MYO1G: variants seen among roughly 807,000 people sequenced by gnomAD.
MYO1G encodes the protein unconventional myosin-Ig.
Under a neutral mutation model 115.3 loss-of-function variants are expected in MYO1G, and 65 were observed. The observed-to-expected ratio is 0.56, with a 90% confidence interval of 0.46 to 0.69. The LOEUF (loss-of-function observed/expected upper bound fraction) is 0.69. Ranked by LOEUF, MYO1G falls within the 30% of genes least tolerant of loss-of-function variation. MYO1G has a pLI of 0.00. For missense variants in MYO1G, 1,204 were observed against 1,393.5 expected, an observed-to-expected ratio of 0.86 and a Z score of 2.16; for synonymous variants, 510 against 552.6, an observed-to-expected ratio of 0.92 and a Z score of 1.08.
At position 44,975,354 on chromosome 7, in the gene MYO1G, C is replaced by T. The variant is rs1039576682; in HGVS notation, c.565-127G>A. 3 of 1,499,212 alleles carry T rather than the reference C, an allele frequency of 2.0e-6. No homozygotes were observed. The African/African-American group carries it at 4.1e-5, about 21-fold the overall frequency. 92.9% of individuals were successfully genotyped at this position (1,499,212 alleles called of 1,614,324 possible). A position where few individuals can be genotyped will look rare whatever the true frequency, so the allele number is the denominator to read the frequency against. On this transcript the variant is annotated intron_variant, in intron 4 of 21. Transcript: ENST00000258787. The stretch of plus-strand genomic sequence containing the variant: ...GTCCTGACTATGAGGACACTGAGGC[C>T]CAGAGAAGGGCCACAGGGAGAGACA...
At chr7:44,970,776 C>T in intron 8 of MYO1G, 39 bp from the exon 9 acceptor site, 1 of 1,613,470 alleles carries the variant, frequency 6.2e-7, no homozygotes. Flanking sequence ...CTGCCTCTGG[C>T]CTGGCCTCCC....
intron 3 of MYO1G, among the ~76,000 whole-genome samples, chr7:44,976,258 C>A (rs1054152915): frequency 1.8e-4 from 28 of 152,190 alleles, no homozygotes; most frequent in African/African-American, 6.8e-4. Flanking sequence ...GTCCATGAGC[C>A]ATTTCAAGCA....
In MYO1G at chr7:44,963,163, C is replaced by G. The variant is rs766147897; in HGVS notation, c.2746-39G>C. ...GGGGTCAGAGTGCAGCCGCCTCAAC[C>G]CGCACCCCAGCCTAGCCGGACTCAC... On this transcript the variant is annotated intron_variant, in intron 20 of 21. Coordinates refer to ENST00000258787, the MANE Select transcript of MYO1G (RefSeq NM_033054.3). The surrounding 1 kb of genome is among the most constrained non-coding windows in gnomAD (Gnocchi z 4.1). 1 of 1,398,138 alleles carries G rather than the reference C, an allele frequency of 7.2e-7. No individual in the cohort carries two copies. Among genetic ancestry groups the G allele is most frequent in the Non-Finnish European group, 9.3e-7 (1 of 1,080,424 alleles). The allele number at this position is 1,398,138 out of a possible 1,614,324, so 86.6% of individuals were successfully genotyped here. A position where few individuals can be genotyped will look rare whatever the true frequency, so the allele number is the denominator to read the frequency against.
At chr7:44,976,344 T>A (rs1795048559) in intron 3 of MYO1G, among the ~76,000 whole-genome samples, 1 of 152,208 alleles carries the variant, frequency 6.6e-6, no homozygotes, top group South Asian at 2.1e-4. Context: ...CCCAGTACCT[T>A]GGCTAGGTCT....
At position 44,966,436 on chromosome 7, in the gene MYO1G, C is replaced by T. The variant is rs908252034; in HGVS notation, c.1950-156G>A. ...CACATATGTCTTCCCATACACATGT[C>T]CTCACATACATGTCCTCACACAGCC... On this transcript the variant is annotated intron_variant, in intron 15 of 21. Coordinates refer to ENST00000258787, the MANE Select transcript of MYO1G (RefSeq NM_033054.3). This position sits in a 1 kb window ranked among gnomAD's most constrained non-coding sequence, Gnocchi z 5.0. 3 of 820,532 alleles carry T rather than the reference C, an allele frequency of 3.7e-6. No individual in the cohort carries two copies. The highest frequency in any genetic ancestry group is 6.1e-6 in the Non-Finnish European group (3 of 493,574). 50.8% of individuals were successfully genotyped at this position (820,532 alleles called of 1,614,324 possible).
intron 3 of MYO1G, among the ~76,000 whole-genome samples, chr7:44,975,977 C>T (rs1420403895): frequency 6.6e-6 from 1 of 152,234 alleles, no homozygotes; most frequent in Non-Finnish European, 1.5e-5. Flanking sequence ...CTGTTCTGAC[C>T]ACTGGGCTTT....
rs564802547 is a variant in MYO1G at position 44,977,083 on chromosome 7, A to G, written c.96-12T>C. ...GGCCCTTCTCGAACCTGGACACAGCAGGGGTAGGCCTCAGCACTCACAGGC... is the reference window on the plus strand; with the variant it reads ...GGCCCTTCTCGAACCTGGACACAGCGGGGGTAGGCCTCAGCACTCACAGGC... On this transcript the variant is annotated splice_polypyrimidine_tract_variant and intron_variant, in intron 1 of 21. Coordinates refer to ENST00000258787, the MANE Select transcript of MYO1G (RefSeq NM_033054.3). 51 of 1,612,186 alleles carry G rather than the reference A, an allele frequency of 3.2e-5. 1 individual carries two copies. In the Middle Eastern group the frequency reaches 4.0e-3, roughly 127 times the overall value.
chr7:44,968,275 C>T (rs1006794102), intron 12 of MYO1G, among the ~76,000 whole-genome samples: 2 of 152,236 alleles, frequency 1.3e-5, no homozygotes, highest in Admixed American at 1.3e-4. Context: ...TTGCCTAAGC[C>T]ACTCAACCTC....
intron 1 of MYO1G, among the ~76,000 whole-genome samples, chr7:44,978,347 T>C (rs1795118610): frequency 1.3e-5 from 2 of 152,198 alleles, no homozygotes; most frequent in Admixed American, 1.3e-4. Flanking sequence ...CAGGAGAATG[T>C]CACCTCAACT....
chr7:44,975,036 A>C, intron 5 of MYO1G, 138 bp downstream of exon 5: 1 of 858,678 alleles, frequency 1.2e-6, no homozygotes, highest in Non-Finnish European at 2.0e-6. Context: ...GTGGGGAGTG[A>C]GGACGATGGG....
chr7:44,963,173 G>C lies in MYO1G; in HGVS notation c.2746-49C>G. The C allele has an allele frequency of 7.2e-7, 1 of 1,387,758 alleles. No individual in the cohort carries two copies. Among genetic ancestry groups the C allele is most frequent in the Non-Finnish European group, 9.3e-7 (1 of 1,075,814 alleles). The allele number at this position is 1,387,758 out of a possible 1,614,324, so 86.0% of individuals were successfully genotyped here. ...TGCAGCCGCCTCAACCCGCACCCCA[G>C]CCTAGCCGGACTCACCCCCTCCCCA... On this transcript the variant is annotated intron_variant, in intron 20 of 21. Transcript: ENST00000258787. This position sits in a 1 kb window ranked among gnomAD's most constrained non-coding sequence, Gnocchi z 4.1.
At position 44,969,761 on chromosome 7, in the gene MYO1G, A is replaced by G; in HGVS notation, c.1447T>C (p.Phe483Leu). 6.2e-7 allele frequency: 1 copy of G among 1,612,626 alleles called. No individual in the cohort carries two copies. The highest frequency in any genetic ancestry group is 8.5e-7 in the Non-Finnish European group (1 of 1,179,960). The change falls in exon 11 of 22, where the codon TTC (phenylalanine) becomes CTC (leucine). Residue 483 changes from phenylalanine (F) to leucine (L), a missense_variant. Physicochemically the swap from Phe to Leu is conservative, Grantham distance 22. Transcript: ENST00000258787. This position sits in a 1 kb window ranked among gnomAD's most constrained non-coding sequence, Gnocchi z 5.0. ...SSAGTITDRIFLQTLDMHHRH... is the reference protein window; with the variant it reads ...SSAGTITDRILLQTLDMHHRH... ...TGGTGCATGTCCAGGGTCTGCAGGA[A>G]GATTCGGTCAGTGATGGTGCCAGCA... is the stretch of plus-strand genomic sequence containing the variant.
At chr7:44,972,469 C>T in intron 5 of MYO1G, 1 of 489,874 alleles carries the variant, frequency 2.0e-6, no homozygotes, top group Non-Finnish European at 3.8e-6. Context: ...TGTTCTTGTG[C>T]CAGACCTCAT....
In MYO1G at chr7:44,964,837, C is replaced by T; in HGVS notation, c.2526+108G>A. 3 of 1,477,890 alleles carry T rather than the reference C, an allele frequency of 2.0e-6. No individual in the cohort carries two copies. The highest frequency in any genetic ancestry group is 4.2e-5 in the Admixed American group (2 of 47,092). The allele number at this position is 1,477,890 out of a possible 1,614,324, so 91.5% of individuals were successfully genotyped here. Reference sequence around the variant, plus strand: ...GTACAGGGCCACCAGGACAGACAACCCCAGGCCTGGGAGAGGACATCTGAG... The same window carrying T: ...GTACAGGGCCACCAGGACAGACAACTCCAGGCCTGGGAGAGGACATCTGAG... On this transcript the variant is annotated intron_variant, in intron 18 of 21. Transcript: ENST00000258787. The surrounding 1 kb of genome is among the most constrained non-coding windows in gnomAD (Gnocchi z 5.1).
chr7:44,971,482 C>G (rs1188069360), intron 7 of MYO1G, among the ~76,000 whole-genome samples, 191 bp downstream of exon 7: 1 of 152,200 alleles, frequency 6.6e-6, no homozygotes, highest in African/African-American at 2.4e-5. Flanking sequence ...CTGACCTGGC[C>G]CTAAGAATGG....
chr7:44,964,986 A>G lies in MYO1G; in HGVS notation c.2485T>C (p.Trp829Arg). 1.2e-6 allele frequency: 2 copies of G among 1,608,232 alleles called. No homozygotes were observed. The highest frequency in any genetic ancestry group is 1.7e-4 in the Middle Eastern group (1 of 6,038). Residue 829 changes from tryptophan to arginine, a missense_variant, in exon 18 of 22, where the codon TGG becomes CGG. Physicochemically the swap from Trp to Arg is moderately radical, Grantham distance 101. Transcript: ENST00000258787. This position sits in a 1 kb window ranked among gnomAD's most constrained non-coding sequence, Gnocchi z 5.1. ...MGALQGLRQD[W>R]GCRRAWARDY... is the part of the protein sequence containing the mutation. ...CGGGCCCAGGCCCGTCGGCAGCCCCAGTCCTGACGAAGCCCTTGCAGGGCC... is the reference window on the plus strand; with the variant it reads ...CGGGCCCAGGCCCGTCGGCAGCCCCGGTCCTGACGAAGCCCTTGCAGGGCC...
At position 44,969,578 on chromosome 7, in the gene MYO1G, T is replaced by C. The variant is rs909403853; in HGVS notation, c.1504-95A>G. 1.8e-5 allele frequency: 29 copies of C among 1,579,828 alleles called. No homozygotes were observed. Among genetic ancestry groups the C allele is most frequent in the Middle Eastern group, 1.7e-4 (1 of 5,774 alleles). On this transcript the variant is annotated intron_variant, in intron 11 of 21. Transcript: ENST00000258787. The surrounding 1 kb of genome is among the most constrained non-coding windows in gnomAD (Gnocchi z 5.0). ...TCCCCACCTCCAGGGCAGAGAAGGT[T>C]GCCACAGTGACGACAATGGCACCAA...
Position 44,964,454 on chromosome 7 carries a change from A to G in MYO1G, c.2592T>C (p.Asp864=). The G allele has an allele frequency of 1.2e-6, 2 of 1,613,810 alleles. No individual in the cohort carries two copies. The highest frequency in any genetic ancestry group is 2.2e-5 in the South Asian group (2 of 91,066). The stretch of plus-strand genomic sequence containing the variant: ...TTGAAAAGAGCACAGCCCCGAAGCC[A>G]TCTTTGTCCTGAAGTGTCTTTAGTC... ...AQRLKTLQDK[D]GFGAVLFSSH... The change falls in exon 19 of 22, where the codon GAT becomes GAC. Residue 864 remains aspartate, a synonymous_variant. Transcript: ENST00000258787. The surrounding 1 kb of genome is among the most constrained non-coding windows in gnomAD (Gnocchi z 5.1).
chr7:44,967,940 G>T lies in MYO1G; in HGVS notation c.1593C>A (p.Phe531Leu), dbSNP rs1453161607. 3.1e-6 allele frequency: 5 copies of T among 1,613,978 alleles called. No homozygotes were observed. The highest frequency in any genetic ancestry group is 4.2e-6 in the Non-Finnish European group (5 of 1,180,008). Residue 531 changes from phenylalanine (F) to leucine (L), a missense_variant, in exon 13 of 22, where the codon TTC (phenylalanine) becomes TTA (leucine). Physicochemically the swap from Phe to Leu is conservative, Grantham distance 22. Coordinates refer to ENST00000258787, the MANE Select transcript of MYO1G (RefSeq NM_033054.3). ...AGAGGAAATCTCTGTTCTTGTCGAT[G>T]AAGCCTTCCACGGAGTACCTACCAG... Reference protein sequence around the residue: ...AGDVTYSVEGFIDKNRDFLFQ... With the variant: ...AGDVTYSVEGLIDKNRDFLFQ...
Sources: allele counts gnomAD v4.1 joint callset (sites outside exome capture counted in the v4.1 genomes callset), GRCh38; gene constraint gnomAD v4.1.1; non-coding constraint Gnocchi (gnomAD v3.1); transcripts MANE v1.5; gene names NCBI Gene and HGNC (gene_info 2026-07-23, HGNC 2026-07-21).